GPC5: variants seen among roughly 807,000 people sequenced by gnomAD.
GPC5 encodes the protein glypican 5, also known as glypican-5.
GPC5 carries 47 observed loss-of-function variants against 53.9 expected under a neutral mutation model. The ratio of observed to expected loss-of-function variants is 0.87; its 90% CI spans 0.69 to 1.11. The LOEUF is 1.11. GPC5 is among the 50% of genes most tolerant of loss of function. GPC5 has a pLI of 0.00. For missense variants in GPC5, 748 were observed against 713.1 expected (o/e 1.05, Z -0.56); for synonymous variants, 286 against 263.3 (o/e 1.09, Z -0.84).
At chr13:92,176,493 G>A (rs1335422439) in intron 7 of GPC5, among the ~76,000 whole-genome samples, 1 of 152,034 alleles carries the variant, frequency 6.6e-6, no homozygotes, top group African/African-American at 2.4e-5. Flanking sequence ...AACAGACCAG[G>A]GGCACCTGTC....
intron 6 of GPC5, among the ~76,000 whole-genome samples, chr13:91,910,533 A>G (rs1594657748): frequency 1.3e-5 from 2 of 152,286 alleles, no homozygotes; most frequent in Non-Finnish European, 2.9e-5. Context: ...ATCTCTCACC[A>G]TAGGGACGTA....
chr13:92,480,380 A>C (rs1304436720), intron 7 of GPC5, among the ~76,000 whole-genome samples: 3 of 152,200 alleles, frequency 2.0e-5, no homozygotes, highest in Non-Finnish European at 4.4e-5. Context: ...TTCTTAGGAC[A>C]GTGTTTTTCA....
chr13:92,626,908 T>A (rs572204159), intron 7 of GPC5, among the ~76,000 whole-genome samples: 1 of 152,310 alleles, frequency 6.6e-6, no homozygotes, highest in African/African-American at 2.4e-5. Flanking sequence ...ATTTTTGCTT[T>A]TCATTATTTC....
intron 6 of GPC5, among the ~76,000 whole-genome samples, chr13:92,019,705 C>A (rs2040739773): frequency 6.6e-6 from 1 of 151,920 alleles, no homozygotes; most frequent in Non-Finnish European, 1.5e-5. Flanking sequence ...CAATAATAAC[C>A]AAAATAAATT....
intron 5 of GPC5, among the ~76,000 whole-genome samples, chr13:91,821,568 C>T (rs962849955): frequency 6.6e-6 from 1 of 152,230 alleles, no homozygotes; most frequent in Admixed American, 6.5e-5. Context: ...GTGAAGTTTT[C>T]TGTAGGTTTG....
At chr13:92,202,581 A>G (rs1321982844) in intron 7 of GPC5, among the ~76,000 whole-genome samples, 1 of 152,188 alleles carries the variant, frequency 6.6e-6, no homozygotes, top group Non-Finnish European at 1.5e-5. Context: ...GGTCATTAAG[A>G]ACCAAAGATT....
intron 2 of GPC5, among the ~76,000 whole-genome samples, chr13:91,516,723 T>C (rs948867965): frequency 2.0e-5 from 3 of 152,222 alleles, no homozygotes; most frequent in East Asian, 3.9e-4. Context: ...TGCACTGCCC[T>C]TGCAGATGTT....
chr13:92,380,670 A>G (rs954950557), intron 7 of GPC5, among the ~76,000 whole-genome samples: 1 of 150,798 alleles, frequency 6.6e-6, no homozygotes, highest in Non-Finnish European at 1.5e-5. Context: ...CATTCTCAGC[A>G]AACTATCGCA....
rs530803111 is a variant in GPC5 at position 91,437,796 on chromosome 13, C to T, written c.164-10965C>T. ...TTCTCCCCGTCACTTTCAGGTACACCAATCAGACATAGATTTGGTCTTTTC... is the reference window on the plus strand; with the variant it reads ...TTCTCCCCGTCACTTTCAGGTACACTAATCAGACATAGATTTGGTCTTTTC... On this transcript the variant is annotated intron_variant, in intron 1 of 7. Transcript: ENST00000377067. Among the ~76,000 whole-genome samples, 59 of 152,324 alleles carry T rather than the reference C, an allele frequency of 3.9e-4. No homozygotes were observed. In the East Asian group the frequency reaches 9.3e-3, roughly 24 times the overall value.
intron 7 of GPC5, among the ~76,000 whole-genome samples, chr13:92,652,728 G>A (rs985216818): frequency 6.6e-6 from 1 of 152,102 alleles, no homozygotes; most frequent in African/African-American, 2.4e-5. Flanking sequence ...TTGATCAGAT[G>A]ATCTAAAAAG....
rs761074613 is a variant in GPC5 at position 92,068,752 on chromosome 13, AAAT to A, written c.1402-76073_1402-76071del. 2.3e-3 allele frequency among the ~76,000 whole-genome samples: 347 copies of A among 151,758 alleles called. 1 individual carries two copies. Among genetic ancestry groups the A allele is most frequent in the Non-Finnish European group, 1.6e-3 (109 of 67,716 alleles). Reference sequence around the variant, plus strand: ...TACAATAATTGATTTTGTGATATTAAAATAATATTTCATTATTGAAAAAACTTA... The same window carrying A: ...TACAATAATTGATTTTGTGATATTAAAATATTTCATTATTGAAAAAACTTA... On this transcript the variant is annotated intron_variant, in intron 6 of 7. Transcript: ENST00000377067.
At chr13:92,591,347 T>G (rs1248918267) in intron 7 of GPC5, among the ~76,000 whole-genome samples, 1 of 152,168 alleles carries the variant, frequency 6.6e-6, no homozygotes, top group South Asian at 2.1e-4. Context: ...GCCTCCAGCG[T>G]GAGTTATGGC....
At chr13:92,727,217 G>T (rs192213052) in intron 7 of GPC5, among the ~76,000 whole-genome samples, 1 of 151,450 alleles carries the variant, frequency 6.6e-6, no homozygotes, top group Admixed American at 6.6e-5. Context: ...AAATGTGTGC[G>T]TAAACAGACA....
chr13:92,023,706 T>A (rs1362476325), intron 6 of GPC5, among the ~76,000 whole-genome samples: 41 of 65,884 alleles, frequency 6.2e-4, no homozygotes, highest in African/African-American at 1.4e-3. Context: ...TCTCTCTCTC[T>A]CTTATAAATT....
chr13:91,498,414 G>T (rs537392386), intron 2 of GPC5, among the ~76,000 whole-genome samples: 10 of 152,166 alleles, frequency 6.6e-5, no homozygotes, highest in African/African-American at 2.4e-4. Context: ...CTTGTGGGCT[G>T]GGAACTGGTT....
intron 7 of GPC5, among the ~76,000 whole-genome samples, chr13:92,201,550 A>G (rs1187085496): frequency 6.6e-6 from 1 of 152,236 alleles, no homozygotes; most frequent in African/African-American, 2.4e-5. Context: ...GCAAATATTT[A>G]GCATCTGAAG....
chr13:92,140,015 G>A (rs1330543694), intron 6 of GPC5, among the ~76,000 whole-genome samples: 3 of 152,128 alleles, frequency 2.0e-5, no homozygotes, highest in Non-Finnish European at 4.4e-5. Context: ...GATATGACAC[G>A]TTCAAGAAAG....
At chr13:91,558,840 A>T (rs9560825) in intron 2 of GPC5, among the ~76,000 whole-genome samples, 1 of 152,080 alleles carries the variant, frequency 6.6e-6, no homozygotes, top group East Asian at 1.9e-4. Flanking sequence ...CTCAGTCATG[A>T]GGGGGTTGGA....
intron 4 of GPC5, among the ~76,000 whole-genome samples, chr13:91,754,605 T>G (rs995989502): frequency 6.6e-6 from 1 of 152,182 alleles, no homozygotes; most frequent in African/African-American, 2.4e-5. Context: ...AGTGATCATT[T>G]ATTGTGAATA....
Sources: gnomAD v4.1 joint callset for allele counts (sites outside exome capture counted in the v4.1 genomes callset) on GRCh38, gnomAD v4.1.1 for gene constraint, MANE v1.5 for transcripts, NCBI Gene and HGNC (gene_info 2026-07-23, HGNC 2026-07-21) for gene names.